The following LMF1 variants were observed in gnomAD, a reference collection of about 807,000 sequenced individuals.
The protein encoded by LMF1 is transmembrane protein 112.
In LMF1, 68 loss-of-function variants were observed where a neutral mutation model predicts 60.6. That is an observed-to-expected ratio of 1.12 (90% CI 0.92 to 1.37). The LOEUF (loss-of-function observed/expected upper bound fraction) is 1.37. Among genes scored for constraint, LMF1 ranks in the 40% most tolerant of loss-of-function variants. LMF1 has a pLI of 0.00. For synonymous variants in LMF1, 418 were observed against 324.7 expected (o/e 1.29, Z -3.09); for missense variants, 948 against 767.2 (o/e 1.24, Z -2.78).
In LMF1 at chr16:925,592, G is replaced by A. The variant is rs138765801; in HGVS notation, c.514+8652C>T. ...AAAAAAGAAAATAAAAAAATTAATC[G>A]GGTGTGGTGGTTCATGCCTGTGGTC... On this transcript the variant is annotated intron_variant, in intron 3 of 10. Transcript: ENST00000262301. Among the ~76,000 whole-genome samples, 37 of 152,204 alleles carry A rather than the reference G, an allele frequency of 2.4e-4. No individual in the cohort carries two copies. In the East Asian group the frequency reaches 5.6e-3, roughly 23 times the overall value.
chr16:960,520 A>G (rs1490355505), intron 1 of LMF1, among the ~76,000 whole-genome samples: 6 of 129,110 alleles, frequency 4.6e-5, no homozygotes, highest in East Asian at 4.5e-4. Context: ...CCCAGACACC[A>G]TCTCATGGTG....
chr16:904,868 G>T (rs12920302), intron 4 of LMF1: 5,866 of 78,158 alleles, frequency 0.075, 512 homozygotes, highest in African/African-American at 0.2. Flanking sequence ...TGCCTGTGGG[G>T]ACGGCCGTCT....
At chr16:886,174 T>A (rs1041905329) in intron 5 of LMF1, among the ~76,000 whole-genome samples, 2 of 152,148 alleles carry the variant, frequency 1.3e-5, no homozygotes, top group Non-Finnish European at 2.9e-5. Flanking sequence ...AGACAGAACT[T>A]GCTCAGGATC....
upstream of LMF1, among the ~76,000 whole-genome samples, chr16:974,194 G>A (rs954942961): frequency 6.6e-5 from 10 of 152,188 alleles, no homozygotes; most frequent in African/African-American, 2.2e-4. Context: ...ATACAGGTGT[G>A]TCTTATTCTC....
chr16:941,134 TTCTTTA>T (rs1476637704), intron 2 of LMF1, among the ~76,000 whole-genome samples: 1 of 152,234 alleles, frequency 6.6e-6, no homozygotes, highest in African/African-American at 2.4e-5. Context: ...TAGTCTATCC[TTCTTTA>T]TCTTTATCCT....
chr16:942,882 G>A (rs2072141180), intron 2 of LMF1, among the ~76,000 whole-genome samples: 1 of 152,214 alleles, frequency 6.6e-6, no homozygotes, highest in Non-Finnish European at 1.5e-5. Context: ...TATCCCACAT[G>A]TCACTGAAGC....
In LMF1 at chr16:878,200, T is replaced by C. The variant is rs985296552; in HGVS notation, c.897+1370A>G. On this transcript the variant is annotated intron_variant, in intron 6 of 10. Coordinates refer to ENST00000262301, the MANE Select transcript of LMF1 (RefSeq NM_022773.4). The surrounding 1 kb of genome is among the most constrained non-coding windows in gnomAD (Gnocchi z 5.2). ...AGCTATTCCAGGAGCCCTGAGCAGC[T>C]GCAGAGAGAAACGTGCGGTCCTGGC... Among the ~76,000 whole-genome samples, 8 of 152,288 alleles carry C rather than the reference T, an allele frequency of 5.3e-5. No homozygotes were observed. The highest frequency in any genetic ancestry group is 1.4e-4 in the African/African-American group (6 of 41,558).
chr16:929,511 C>A (rs1052176954), intron 3 of LMF1, among the ~76,000 whole-genome samples: 3 of 152,224 alleles, frequency 2.0e-5, no homozygotes, highest in Non-Finnish European at 2.9e-5. Flanking sequence ...CCCGCTGCTG[C>A]GGGTCCTCTC....
intron 9 of LMF1, 113 bp from the exon 10 acceptor site, chr16:869,169 T>C (rs1172700085): frequency 2.6e-6 from 2 of 777,440 alleles, no homozygotes; most frequent in Non-Finnish European, 4.6e-6. Flanking sequence ...TGGAGGTGGG[T>C]TCCCTGGGCA....
chr16:927,775 G>A (rs1261124903), intron 3 of LMF1, among the ~76,000 whole-genome samples: 1 of 152,212 alleles, frequency 6.6e-6, no homozygotes, highest in Non-Finnish European at 1.5e-5. Context: ...CCCTCATTAA[G>A]CTGTTTTTAA....
intron 1 of LMF1, among the ~76,000 whole-genome samples, chr16:964,455 C>G (rs552326300): frequency 6.6e-6 from 1 of 152,262 alleles, no homozygotes; most frequent in African/African-American, 2.4e-5. Flanking sequence ...AGCACAGTGA[C>G]CTCAAGTATT....
chr16:942,783 T>C (rs1482348362), intron 2 of LMF1, among the ~76,000 whole-genome samples: 1 of 151,880 alleles, frequency 6.6e-6, no homozygotes, highest in Non-Finnish European at 1.5e-5. Flanking sequence ...CAATCACATG[T>C]ATGTTAGACC....
chr16:906,230 C>T (rs952285878), intron 4 of LMF1, among the ~76,000 whole-genome samples: 2 of 152,302 alleles, frequency 1.3e-5, no homozygotes, highest in South Asian at 4.1e-4. Flanking sequence ...ATGCAGCTAT[C>T]TGTCCTCACG....
Position 893,041 on chromosome 16 carries a change from CA to C in LMF1, c.694del (p.Trp232GlyfsTer80). On this transcript the variant is annotated frameshift_variant, in exon 5 of 11. Coordinates refer to ENST00000262301, the MANE Select transcript of LMF1 (RefSeq NM_022773.4). LOFTEE classifies it high-confidence loss of function. ...GAAGTCCATGCAGGTGAGGTCTCGCCAGCACCGGTCCCCCCGGATCTTGATC... is the reference window on the plus strand; with the variant it reads ...GAAGTCCATGCAGGTGAGGTCTCGCCGCACCGGTCCCCCCGGATCTTGATC... ...GLIKIRGDRC[W>X]RDLTCMDFHY... 6.4e-7 allele frequency: 1 copy of C among 1,552,780 alleles called. No homozygotes were observed. The highest frequency in any genetic ancestry group is 8.7e-7 in the Non-Finnish European group (1 of 1,148,332).
Position 878,689 on chromosome 16 carries a change from G to A in LMF1, c.897+881C>T, listed in dbSNP as rs991196850. Among the ~76,000 whole-genome samples the A allele has an allele frequency of 2.7e-5, 4 of 146,406 alleles. No individual in the cohort carries two copies. Among genetic ancestry groups the A allele is most frequent in the African/African-American group, 7.6e-5 (3 of 39,474 alleles). ...CGTGGCACCCGTGCCTGCTGACGGA[G>A]CTTTGCCCCTCTAGGCGGCGGTGCT... On this transcript the variant is annotated intron_variant, in intron 6 of 10. Transcript: ENST00000262301. The surrounding 1 kb of genome is among the most constrained non-coding windows in gnomAD (Gnocchi z 5.2).
intron 5 of LMF1, among the ~76,000 whole-genome samples, chr16:886,238 A>G (rs571411636): frequency 6.6e-6 from 1 of 152,310 alleles, no homozygotes; most frequent in Admixed American, 6.5e-5. Flanking sequence ...CTGCATAACA[A>G]CAGGGCTCAG....
chr16:875,279 G>C (rs538578623), intron 6 of LMF1, among the ~76,000 whole-genome samples: 2 of 152,026 alleles, frequency 1.3e-5, no homozygotes, highest in South Asian at 2.1e-4. Flanking sequence ...ACTCCAAAAC[G>C]GGGCCAGCAC....
chr16:972,380 G>A (rs561341821), upstream of LMF1, among the ~76,000 whole-genome samples: 1 of 152,330 alleles, frequency 6.6e-6, no homozygotes, highest in Non-Finnish European at 1.5e-5. Context: ...TGTGCCTGAG[G>A]GCTCGGAGCC....
At chr16:914,666 ACACT>A in intron 3 of LMF1, among the ~76,000 whole-genome samples, 1 of 126,190 alleles carries the variant, frequency 7.9e-6, no homozygotes, top group African/African-American at 3.2e-5. Context: ...CATTGGTGAC[ACACT>A]CCCTCCCTCC....
Sources: allele counts gnomAD v4.1 joint callset (sites outside exome capture counted in the v4.1 genomes callset), GRCh38; gene constraint gnomAD v4.1.1; non-coding constraint Gnocchi (gnomAD v3.1); transcripts MANE v1.5; gene names NCBI Gene and HGNC (gene_info 2026-07-23, HGNC 2026-07-21).